PRTG: variants seen among roughly 807,000 people sequenced by gnomAD.
PRTG encodes immunoglobulin superfamily, DCC subclass, member 5.
A neutral mutation model predicts 122.5 loss-of-function variants in PRTG; 67 were observed. The ratio of observed to expected loss-of-function variants is 0.55; its 90% confidence interval spans 0.45 to 0.67. PRTG has a LOEUF of 0.67. Among genes scored for constraint, PRTG ranks in the 30% least tolerant of loss-of-function variants. The probability of loss-of-function intolerance (pLI) is 0.00; values close to 1 mark genes in which losing one functional copy is unlikely to be tolerated. For synonymous variants in PRTG, 554 were observed against 501.1 expected (o/e 1.11, Z -1.41); for missense variants, 1,435 against 1,415.4 (o/e 1.01, Z -0.22).
chr15:55,631,022 G>A (rs1423421995), intron 15 of PRTG, among the ~76,000 whole-genome samples: 1 of 152,132 alleles, frequency 6.6e-6, no homozygotes, highest in Non-Finnish European at 1.5e-5. Context: ...TGAGACGGAG[G>A]CCATCTCTGC....
chr15:55,636,893 C>T (rs770475486), intron 15 of PRTG, among the ~76,000 whole-genome samples: 5 of 152,122 alleles, frequency 3.3e-5, no homozygotes, highest in Non-Finnish European at 7.4e-5. Flanking sequence ...GTAATCTATC[C>T]GCCTCGGCCT....
chr15:55,734,465 C>A (rs1210984233), intron 2 of PRTG, among the ~76,000 whole-genome samples: 2 of 152,024 alleles, frequency 1.3e-5, no homozygotes, highest in Non-Finnish European at 2.9e-5. Context: ...AGAAAATTTT[C>A]TTTCTGTAAG....
In PRTG at chr15:55,659,191, A is replaced by T. The variant is rs370811018; in HGVS notation, c.2041+13254T>A. On this transcript the variant is annotated intron_variant, in intron 11 of 19. Transcript: ENST00000389286. ...TTTCAAGTCTTTCAAGCTTCTAAAC[A>T]TCTCAAAATGGAATAGGAAAATATG... Among the ~76,000 whole-genome samples the T allele has an allele frequency of 9.2e-5, 14 of 152,346 alleles. No homozygotes were observed. The East Asian group carries it at 1.5e-3, about 17-fold the overall frequency.
At chr15:55,739,263 ATTT>A (rs754596379) in intron 2 of PRTG, among the ~76,000 whole-genome samples, 87 of 143,448 alleles carry the variant, frequency 6.1e-4, no homozygotes, top group Non-Finnish European at 6.6e-4. Flanking sequence ...GTGGTTTTGT[ATTT>A]TTTTTTTTTT....
rs1361056402 is a variant in PRTG, at chr15:55,627,075, C to T, written c.2860G>A (p.Gly954Ser). 1 of 1,610,566 alleles carries T rather than the reference C, an allele frequency of 6.2e-7. No homozygotes were observed. The highest frequency in any genetic ancestry group is 2.2e-5 in the East Asian group (1 of 44,724). The change falls in exon 17 of 20, where the codon GGT becomes AGT. Residue 954 changes from glycine (G) to serine (S), a missense_variant. Gly to Ser is a moderately conservative substitution (Grantham distance 56, BLOSUM62 0). Coordinates refer to ENST00000389286, the MANE Select transcript of PRTG (RefSeq NM_173814.6). ...ATGCAGGTCAAGGCTATGCCAACACCTACAGCAATGCCAGTCATTGATTTT... is the reference window on the plus strand; with the variant it reads ...ATGCAGGTCAAGGCTATGCCAACACTTACAGCAATGCCAGTCATTGATTTT... ...DQKSMTGIAV[G>S]VGIALTCILI...
chr15:55,729,402 T>C (rs944613501), intron 2 of PRTG, among the ~76,000 whole-genome samples: 9 of 151,880 alleles, frequency 5.9e-5, no homozygotes, highest in Non-Finnish European at 1.0e-4. Flanking sequence ...AGCTTTCTTT[T>C]TGGGGTGATG....
chr15:55,707,095 T>C (rs2030161115), intron 2 of PRTG, among the ~76,000 whole-genome samples: 1 of 152,228 alleles, frequency 6.6e-6, no homozygotes, highest in Non-Finnish European at 1.5e-5. Context: ...CATTGAAATA[T>C]TTTAAGTAAA....
intron 11 of PRTG, among the ~76,000 whole-genome samples, chr15:55,646,173 G>GT (rs545958068): frequency 0.27 from 33,957 of 124,222 alleles, 4,865 homozygotes; most frequent in East Asian, 0.49. Flanking sequence ...TGCCCAGCTA[G>GT]TTTTTTTTTT....
At chr15:55,633,958 C>G (rs563628816) in intron 15 of PRTG, among the ~76,000 whole-genome samples, 8 of 152,184 alleles carry the variant, frequency 5.3e-5, no homozygotes, top group African/African-American at 1.9e-4. Flanking sequence ...AACTGTAATC[C>G]CTTTCACTAC....
intron 11 of PRTG, among the ~76,000 whole-genome samples, chr15:55,645,598 T>C (rs2059317675): frequency 6.6e-6 from 1 of 151,648 alleles, no homozygotes; most frequent in South Asian, 2.1e-4. Flanking sequence ...TTAGGACCAA[T>C]ATGTTAAATA....
intron 7 of PRTG, among the ~76,000 whole-genome samples, chr15:55,679,019 T>C (rs1266786516): frequency 6.6e-6 from 1 of 152,202 alleles, no homozygotes; most frequent in Non-Finnish European, 1.5e-5. Context: ...TTAATAGCAC[T>C]AGAACCCTGG....
chr15:55,678,444 C>A (rs1435384062), intron 7 of PRTG, among the ~76,000 whole-genome samples: 2 of 152,164 alleles, frequency 1.3e-5, no homozygotes, highest in Non-Finnish European at 2.9e-5. Context: ...CAAGGTCTCA[C>A]TGTGTTGCCC....
rs1004611338 is a variant in PRTG at position 55,742,973 on chromosome 15, C to A, written c.-42G>T. 13 of 1,420,126 alleles carry A rather than the reference C, an allele frequency of 9.2e-6. No individual in the cohort carries two copies. Among genetic ancestry groups the A allele is most frequent in the South Asian group, 7.5e-5 (5 of 66,302 alleles). 88.0% of individuals were successfully genotyped at this position (1,420,126 alleles called of 1,614,324 possible). On this transcript the variant is annotated 5_prime_UTR_variant, in exon 1 of 20. Transcript: ENST00000389286. ...GGCATGCTCCCCGGCCGCCCAGAGC[C>A]CCTGTCCGTCTGCGGCCCCCGCCCC...
intron 11 of PRTG, among the ~76,000 whole-genome samples, chr15:55,644,193 G>C (rs1195533210): frequency 6.6e-6 from 1 of 152,148 alleles, no homozygotes; most frequent in Non-Finnish European, 1.5e-5. Context: ...CTTTAGGAAA[G>C]CCTCCAGAAT....
At chr15:55,641,312 C>A in intron 11 of PRTG, 104 bp from the exon 12 acceptor site, 1 of 691,358 alleles carries the variant, frequency 1.4e-6, no homozygotes, top group Non-Finnish European at 2.5e-6. Flanking sequence ...CTGCTGAATG[C>A]ATAAAAGTTC....
chr15:55,645,666 C>G (rs2059318111), intron 11 of PRTG, among the ~76,000 whole-genome samples: 1 of 151,990 alleles, frequency 6.6e-6, no homozygotes, highest in Non-Finnish European at 1.5e-5. Flanking sequence ...AGTCCTAAAA[C>G]TTCATAGTTC....
chr15:55,642,676 A>G (rs1274443690), intron 11 of PRTG, among the ~76,000 whole-genome samples: 6 of 152,174 alleles, frequency 3.9e-5, no homozygotes, highest in African/African-American at 1.4e-4. Context: ...TAAAAAACAC[A>G]AATAAATTCA....
At chr15:55,690,776 T>C (rs1215716899) in intron 2 of PRTG, among the ~76,000 whole-genome samples, 1 of 152,132 alleles carries the variant, frequency 6.6e-6, no homozygotes, top group Non-Finnish European at 1.5e-5. Flanking sequence ...GAAATAACAA[T>C]AGGTTAACAT....
chr15:55,667,369 A>G (rs1224120844), intron 11 of PRTG, among the ~76,000 whole-genome samples: 2 of 152,170 alleles, frequency 1.3e-5, no homozygotes, highest in Non-Finnish European at 2.9e-5. Context: ...TTTTAGTAGC[A>G]GGATTTTTTT....
Sources: gnomAD v4.1 joint callset for allele counts (sites outside exome capture counted in the v4.1 genomes callset) on GRCh38, gnomAD v4.1.1 for gene constraint, MANE v1.5 for transcripts, NCBI Gene and HGNC (gene_info 2026-07-23, HGNC 2026-07-21) for gene names.